The following SYNE1 variants were observed in gnomAD, a reference collection of about 807,000 sequenced individuals.
SYNE1 encodes spectrin repeat containing nuclear envelope protein 1, also known as nesprin-1.
In SYNE1, 616 loss-of-function variants were observed where a neutral mutation model predicts 1,111.0. The observed-to-expected ratio is 0.55, with a 90% CI of 0.52 to 0.59. The LOEUF (loss-of-function observed/expected upper bound fraction) is 0.59, where lower values mean the gene tolerates loss of function less well. Among genes scored for constraint, SYNE1 ranks in the 20% least tolerant of loss-of-function variants. The pLI is 0.00. For synonymous variants in SYNE1, 3,855 were observed against 3,825.8 expected (o/e 1.01, Z -0.28); for missense variants, 10,006 against 10,417.0 (o/e 0.96, Z 1.72).
intron 101 of SYNE1, among the ~76,000 whole-genome samples, 199 bp from the exon 102 acceptor site, chr6:152,256,964 A>AT (rs572443501): frequency 1.1e-3 from 158 of 147,922 alleles, no homozygotes; most frequent in Middle Eastern, 3.5e-3. Context: ...CCATGGATGG[A>AT]TTTTTTTTTT....
At chr6:152,501,561 C>T (rs1394923522) in intron 10 of SYNE1, among the ~76,000 whole-genome samples, 2 of 152,012 alleles carry the variant, frequency 1.3e-5, no homozygotes, top group African/African-American at 2.4e-5. Flanking sequence ...ATGTGAAACC[C>T]AATCTCTACT....
chr6:152,273,045 T>C (rs1048851760), intron 98 of SYNE1, among the ~76,000 whole-genome samples: 3 of 152,252 alleles, frequency 2.0e-5, no homozygotes, highest in Non-Finnish European at 4.4e-5. Context: ...TGCTGGGAAC[T>C]TCATTAGATG....
intron 15 of SYNE1, 39 bp downstream of exon 15, chr6:152,472,262 T>C: frequency 6.4e-7 from 1 of 1,552,954 alleles, no homozygotes; most frequent in Non-Finnish European, 8.9e-7. Context: ...ACCTAGTGTT[T>C]TAAAAAGAGA....
intron 3 of SYNE1, among the ~76,000 whole-genome samples, chr6:152,571,288 A>C (rs185096997): frequency 2.4e-3 from 367 of 152,330 alleles, no homozygotes; most frequent in African/African-American, 8.0e-3. Flanking sequence ...TTTTAAAATA[A>C]CAGCCTTGGC....
Position 152,331,005 on chromosome 6 carries a change from ATTC to A in SYNE1, c.13677_13679del (p.Lys4559del). ...CCTTAAAATGCTTCCTAGAAACCAA[ATTC>A]TTCTCTAGTTCTTGTAACCGGTGAC... On this transcript the variant is annotated inframe_deletion, in exon 78 of 146. Coordinates refer to ENST00000367255, the MANE Select transcript of SYNE1 (RefSeq NM_182961.4). 1.9e-6 allele frequency: 3 copies of A among 1,614,146 alleles called. No individual in the cohort carries two copies. The highest frequency in any genetic ancestry group is 2.5e-6 in the Non-Finnish European group (3 of 1,180,040).
chr6:152,206,548 T>G (rs560386343), intron 125 of SYNE1, among the ~76,000 whole-genome samples, 186 bp from the exon 126 acceptor site: 1 of 152,360 alleles, frequency 6.6e-6, no homozygotes, highest in East Asian at 1.9e-4. Context: ...GCTTAGTTTC[T>G]GTCTCCAAGG....
chr6:152,431,611 T>C (rs1170793981), intron 34 of SYNE1, among the ~76,000 whole-genome samples: 2 of 152,198 alleles, frequency 1.3e-5, no homozygotes, highest in East Asian at 3.8e-4. Context: ...GGCCAAATTA[T>C]TCAATCAAAA....
chr6:152,536,601 C>T (rs56249687), intron 4 of SYNE1, among the ~76,000 whole-genome samples: 6,504 of 150,904 alleles, frequency 0.043, 478 homozygotes, highest in African/African-American at 0.15. Flanking sequence ...ACTGCCAAAT[C>T]GAATGGGTTC....
In SYNE1 at chr6:152,636,742, G is replaced by T. The variant is rs2129050301; in HGVS notation, c.-328C>A. 6.6e-6 allele frequency: 1 copy of T among 152,398 alleles called. No homozygotes were observed. The highest frequency in any genetic ancestry group is 1.9e-4 in the East Asian group (1 of 5,160). The allele number at this position is 152,398 out of a possible 1,614,324, so 9.4% of individuals were successfully genotyped here. On this transcript the variant is annotated 5_prime_UTR_variant, in exon 2 of 146. Transcript: ENST00000367255. ...CTCGGCGGGACCCCGGGGATGCGCG[G>T]CTGTCCGCCCGCCCTGTCGCCGGGA...
intron 127 of SYNE1, among the ~76,000 whole-genome samples, chr6:152,197,111 C>A (rs372250836): frequency 6.6e-6 from 1 of 152,170 alleles, no homozygotes; most frequent in Admixed American, 6.5e-5. Flanking sequence ...ATGCTCTCTC[C>A]GTGCCATGTG....
intron 49 of SYNE1, among the ~76,000 whole-genome samples, chr6:152,397,185 T>C (rs2097747162): frequency 1.3e-5 from 2 of 152,178 alleles, no homozygotes; most frequent in African/African-American, 4.8e-5. Flanking sequence ...GAGGACAAAG[T>C]GTAAACAAGG....
chr6:152,436,782 A>G (rs967914398), intron 32 of SYNE1, among the ~76,000 whole-genome samples: 9 of 152,216 alleles, frequency 5.9e-5, no homozygotes, highest in African/African-American at 1.7e-4. Context: ...CACAAAATCA[A>G]TAGTGATTGA....
chr6:152,488,249 T>C (rs887264767), intron 12 of SYNE1, 147 bp downstream of exon 12: 11 of 593,854 alleles, frequency 1.9e-5, no homozygotes, highest in East Asian at 1.4e-4. Flanking sequence ...TATTAAATTA[T>C]ATGCAAACTT....
chr6:152,193,978 A>G (rs1397030844), intron 127 of SYNE1, among the ~76,000 whole-genome samples: 4 of 149,206 alleles, frequency 2.7e-5, no homozygotes, highest in Admixed American at 2.0e-4. Flanking sequence ...CCGCCACTGC[A>G]CTCCAGCCTG....
At position 152,484,861 on chromosome 6, in the gene SYNE1, G is replaced by A; in HGVS notation, c.1159C>T (p.Gln387Ter). 1 of 1,613,936 alleles carries A rather than the reference G, an allele frequency of 6.2e-7. No individual in the cohort carries two copies. The highest frequency in any genetic ancestry group is 2.2e-5 in the East Asian group (1 of 44,842). ...CTGGAGGTCACTCTATCCCAAGATT[G>A]TTTTACCAATGCTTGGTCAAGTGAC... ...KLSLDQALVK[Q>*]SWDRVTSRLF... The change falls in exon 13 of 146, where the codon CAA becomes TAA. Residue 387 changes from glutamine to a stop codon, truncating the protein, a stop_gained. Transcript: ENST00000367255. LOFTEE classifies it high-confidence loss of function.
At chr6:152,224,253 T>C (rs1436539882) in intron 117 of SYNE1, among the ~76,000 whole-genome samples, 1 of 152,184 alleles carries the variant, frequency 6.6e-6, no homozygotes, top group Non-Finnish European at 1.5e-5. Flanking sequence ...GATGTGAATA[T>C]TTTTTTACAA....
chr6:152,122,588 C>T lies in SYNE1; in HGVS notation c.26242G>A (p.Ala8748Thr), dbSNP rs1474908833. The change falls in exon 146 of 146, where the codon GCT becomes ACT. Residue 8748 changes from alanine (A) to threonine (T), a missense_variant. Ala to Thr is a moderately conservative substitution (Grantham distance 58, BLOSUM62 0). This residue lies in a region of SYNE1 where 761 missense variants were observed against 795.5 expected (regional missense o/e 0.96). Transcript: ENST00000367255. ...AGCAGGAGAAGCTGAAGGGGAAGAG[C>T]TGCTCGGAGGACTCTGAACAGGAAG... ...RGFLFRVLRAALPLQLLLLLL... is the reference protein window; with the variant it reads ...RGFLFRVLRATLPLQLLLLLL... 4 of 1,614,220 alleles carry T rather than the reference C, an allele frequency of 2.5e-6. No homozygotes were observed. Among genetic ancestry groups the T allele is most frequent in the Non-Finnish European group, 3.4e-6 (4 of 1,180,044 alleles).
At chr6:152,171,025 T>C (rs1360891908) in intron 130 of SYNE1, among the ~76,000 whole-genome samples, 1 of 152,204 alleles carries the variant, frequency 6.6e-6, no homozygotes, top group Non-Finnish European at 1.5e-5. Context: ...ATGTAAGATG[T>C]GCCTTTCGCC....
At chr6:152,247,030 C>A (rs369586409) in intron 105 of SYNE1, among the ~76,000 whole-genome samples, 17 of 152,244 alleles carry the variant, frequency 1.1e-4, no homozygotes, top group East Asian at 5.8e-4. Context: ...ACTAACGAAA[C>A]AAGGAAGCAA....
Sources: gnomAD v4.1 joint callset for allele counts (sites outside exome capture counted in the v4.1 genomes callset) on GRCh38, gnomAD v4.1.1 for gene constraint, gnomAD v4.1.1 regional missense constraint, MANE v1.5 for transcripts, NCBI Gene and HGNC (gene_info 2026-07-23, HGNC 2026-07-21) for gene names.